SCAPER: variants seen among roughly 807,000 people sequenced by gnomAD.
The protein encoded by SCAPER is S-phase cyclin A associated protein in the ER, also known as S phase cyclin A-associated protein in the endoplasmic reticulum.
A neutral mutation model predicts 182.2 loss-of-function variants in SCAPER; 98 were observed. The observed-to-expected ratio is 0.54, with a 90% confidence interval of 0.46 to 0.64. SCAPER has a LOEUF of 0.64. Ranked by LOEUF, SCAPER falls within the 30% of genes least tolerant of loss-of-function variation. The pLI is 0.00. For missense variants in SCAPER, 1,432 were observed against 1,690.0 expected (o/e 0.85, Z 2.68); for synonymous variants, 605 against 564.6 (o/e 1.07, Z -1.01).
intron 4 of SCAPER, chr15:76,855,892 C>T: frequency 2.3e-6 from 1 of 428,300 alleles, no homozygotes; most frequent in Non-Finnish European, 4.8e-6. Flanking sequence ...AACAGAAATA[C>T]CATTCAACCC....
intron 27 of SCAPER, 151 bp downstream of exon 27, chr15:76,404,373 C>T: frequency 1.4e-6 from 1 of 707,386 alleles, no homozygotes; most frequent in African/African-American, 1.8e-5. Flanking sequence ...TAATATACAT[C>T]TCAATATAGA....
chr15:76,523,868 ATTG>A (rs1238472212), intron 23 of SCAPER, among the ~76,000 whole-genome samples: 1 of 151,674 alleles, frequency 6.6e-6, no homozygotes, highest in African/African-American at 2.4e-5. Flanking sequence ...ACCAATCCCA[ATTG>A]TTGTGTGTAA....
chr15:76,376,171 T>G lies in SCAPER; in HGVS notation c.3846A>C (p.Pro1282=). ...TTCCAGGGCCTCTTACCTGGTTATC[T>G]GGGTGGTTGACAGTGAAGTAGCCCA... is the stretch of plus-strand genomic sequence containing the variant. ...VCVGYFTVNH[P]DNQVIVQSGR... is the part of the protein sequence containing the mutation. Residue 1282 remains proline, a synonymous_variant, in exon 29 of 32, where the codon CCA becomes CCC. Transcript: ENST00000563290. 6.2e-7 allele frequency: 1 copy of G among 1,613,988 alleles called. No individual in the cohort carries two copies. The highest frequency in any genetic ancestry group is 8.5e-7 in the Non-Finnish European group (1 of 1,179,862).
chr15:76,725,672 T>C (rs280036), intron 17 of SCAPER, among the ~76,000 whole-genome samples: 137,274 of 152,060 alleles, frequency 0.9, 62,128 homozygotes, highest in East Asian at 0.96. Context: ...AACAGAACAG[T>C]GAGCCAAGAA....
chr15:76,684,760 AC>A (rs1318495160), intron 20 of SCAPER, among the ~76,000 whole-genome samples: 1 of 151,920 alleles, frequency 6.6e-6, no homozygotes, highest in Non-Finnish European at 1.5e-5. Context: ...TATTAATAAT[AC>A]TAAAGGTTGT....
chr15:76,632,975 A>G (rs2053256649), intron 21 of SCAPER, among the ~76,000 whole-genome samples: 1 of 151,594 alleles, frequency 6.6e-6, no homozygotes, highest in Non-Finnish European at 1.5e-5. Context: ...GGGTTTCACC[A>G]TATTGGCCAG....
chr15:76,809,131 G>A (rs889541300), intron 5 of SCAPER, among the ~76,000 whole-genome samples: 3 of 152,140 alleles, frequency 2.0e-5, no homozygotes, highest in African/African-American at 7.2e-5. Context: ...TGAGCTGACA[G>A]GTAAGATCCA....
intron 26 of SCAPER, 24 bp from the exon 27 acceptor site, chr15:76,404,703 G>C (rs779408793): frequency 1.9e-5 from 31 of 1,603,142 alleles, no homozygotes; most frequent in Non-Finnish European, 2.6e-5. Flanking sequence ...AGAAATGCAT[G>C]TTATCAATCT....
intron 27 of SCAPER, among the ~76,000 whole-genome samples, chr15:76,384,858 A>C (rs1459423944): frequency 6.6e-6 from 1 of 152,240 alleles, no homozygotes; most frequent in African/African-American, 2.4e-5. Flanking sequence ...TGTTGGTCTT[A>C]ACTGTCAGTT....
At chr15:76,866,227 CAG>C (rs1440169448) in intron 2 of SCAPER, among the ~76,000 whole-genome samples, 2 of 151,744 alleles carry the variant, frequency 1.3e-5, no homozygotes, top group Admixed American at 6.6e-5. Context: ...TCCTGTGAGA[CAG>C]AGAGAGACAC....
intron 23 of SCAPER, among the ~76,000 whole-genome samples, chr15:76,529,200 C>T (rs938019964): frequency 6.6e-6 from 1 of 152,128 alleles, no homozygotes; most frequent in Non-Finnish European, 1.5e-5. Context: ...TGTACCCTCA[C>T]ACCTGGCTAA....
intron 24 of SCAPER, among the ~76,000 whole-genome samples, chr15:76,481,768 G>C (rs544192082): frequency 6.6e-6 from 1 of 152,176 alleles, no homozygotes; most frequent in Non-Finnish European, 1.5e-5. Flanking sequence ...ACCTAAGTGT[G>C]TATCTCCAGC....
chr15:76,401,737 G>C (rs528675188), intron 27 of SCAPER, among the ~76,000 whole-genome samples: 14 of 152,242 alleles, frequency 9.2e-5, no homozygotes, highest in Non-Finnish European at 1.5e-4. Context: ...CTCTTGGTTT[G>C]GGCTGCCCTA....
chr15:76,844,720 CAA>C (rs1168531307), intron 4 of SCAPER, among the ~76,000 whole-genome samples: 1 of 152,016 alleles, frequency 6.6e-6, no homozygotes, highest in African/African-American at 2.4e-5. Context: ...AAAGCCATAA[CAA>C]AAAGTCTTCC....
intron 21 of SCAPER, among the ~76,000 whole-genome samples, chr15:76,627,507 T>C (rs139331517): frequency 2.5e-4 from 38 of 152,242 alleles, no homozygotes; most frequent in African/African-American, 8.9e-4. Flanking sequence ...TGTGTTCTCA[T>C]TGTTCAGCTC....
intron 15 of SCAPER, among the ~76,000 whole-genome samples, chr15:76,741,856 C>T (rs545602042): frequency 6.6e-6 from 1 of 152,162 alleles, no homozygotes; most frequent in Admixed American, 6.5e-5. Context: ...TCAATACAAG[C>T]ACCAAACAAT....
At chr15:76,541,531 C>T (rs2044752556) in intron 23 of SCAPER, among the ~76,000 whole-genome samples, 1 of 152,152 alleles carries the variant, frequency 6.6e-6, no homozygotes, top group South Asian at 2.1e-4. Flanking sequence ...TTTTCCTCAC[C>T]ACCCAAAGAC....
At position 76,381,473 on chromosome 15, in the gene SCAPER, G is replaced by T; in HGVS notation, c.3610C>A (p.Pro1204Thr). ...GTATTTTGAGTGTAATTCTCCTTGG[G>T]ACTGGCAGTGCTGGGGTCCAAGATG... is the stretch of plus-strand genomic sequence containing the variant. Reference protein sequence around the residue: ...GTILDPSTASPKENYTQNTIQ... With the variant: ...GTILDPSTASTKENYTQNTIQ... The change falls in exon 28 of 32, where the codon CCC (proline) becomes ACC (threonine). Residue 1204 changes from proline to threonine, a missense_variant. By Grantham distance (38) the Pro-to-Thr change is conservative. Coordinates refer to ENST00000563290, the MANE Select transcript of SCAPER (RefSeq NM_020843.4). The T allele has an allele frequency of 6.2e-7, 1 of 1,613,884 alleles. No homozygotes were observed. The highest frequency in any genetic ancestry group is 1.7e-5 in the Admixed American group (1 of 59,980).
At chr15:76,715,617 T>G (rs901249730) in intron 17 of SCAPER, among the ~76,000 whole-genome samples, 1 of 152,048 alleles carries the variant, frequency 6.6e-6, no homozygotes, top group African/African-American at 2.4e-5. Context: ...TGGGCTATTA[T>G]ACCAAGTCAG....
Sources: allele counts gnomAD v4.1 joint callset (sites outside exome capture counted in the v4.1 genomes callset), GRCh38; gene constraint gnomAD v4.1.1; transcripts MANE v1.5; gene names NCBI Gene and HGNC (gene_info 2026-07-23, HGNC 2026-07-21).